KIAA1217: variants seen among roughly 807,000 people sequenced by gnomAD.
KIAA1217 encodes the protein sickle tail protein homolog.
KIAA1217 carries 88 observed loss-of-function variants against 163.9 expected under a neutral mutation model. The ratio of observed to expected loss-of-function variants is 0.54; its 90% CI spans 0.45 to 0.64. KIAA1217 has a LOEUF of 0.64. Ranked by LOEUF, KIAA1217 falls within the 30% of genes least tolerant of loss-of-function variation. KIAA1217 has a pLI of 0.00. For missense variants in KIAA1217, 2,372 were observed against 2,475.0 expected, an observed-to-expected ratio of 0.96 and a Z score of 0.88; for synonymous variants, 903 against 923.1, an observed-to-expected ratio of 0.98 and a Z score of 0.39.
At chr10:23,938,179 C>G (rs577696841) in intron 1 of KIAA1217, among the ~76,000 whole-genome samples, 5 of 152,118 alleles carry the variant, frequency 3.3e-5, no homozygotes. Flanking sequence ...TCAGAGCTCA[C>G]GCAAGACTTG....
chr10:24,095,652 G>C (rs1203752885), intron 2 of KIAA1217, among the ~76,000 whole-genome samples: 1 of 152,050 alleles, frequency 6.6e-6, no homozygotes, highest in Non-Finnish European at 1.5e-5. Flanking sequence ...GTTCTCCCTA[G>C]ACAAACTCTA....
At chr10:24,074,908 A>C (rs2061319558) in intron 2 of KIAA1217, among the ~76,000 whole-genome samples, 1 of 151,986 alleles carries the variant, frequency 6.6e-6, no homozygotes, top group African/African-American at 2.4e-5. Context: ...CATGTTGTCC[A>C]GATTGGCCTT....
intron 9 of KIAA1217, among the ~76,000 whole-genome samples, chr10:24,508,754 G>T (rs916473968): frequency 6.6e-6 from 1 of 152,146 alleles, no homozygotes; most frequent in Admixed American, 6.6e-5. Context: ...AACAGGGCTG[G>T]ATCTCAGAAA....
At chr10:24,286,112 CA>C (rs1303012366) in intron 2 of KIAA1217, among the ~76,000 whole-genome samples, 2 of 152,096 alleles carry the variant, frequency 1.3e-5, no homozygotes, top group Non-Finnish European at 2.9e-5. Flanking sequence ...AGCCTTTTGG[CA>C]AAGTCTAGGT....
At chr10:24,099,742 C>T (rs1370485415) in intron 2 of KIAA1217, among the ~76,000 whole-genome samples, 1 of 138,740 alleles carries the variant, frequency 7.2e-6, no homozygotes, top group African/African-American at 2.7e-5. Context: ...CTCCCCCCTC[C>T]CCCCATCCCA....
At chr10:23,880,592 C>G (rs1305589213) in intron 1 of KIAA1217, among the ~76,000 whole-genome samples, 1 of 151,884 alleles carries the variant, frequency 6.6e-6, no homozygotes, top group African/African-American at 2.4e-5. Context: ...TGAAAAATAA[C>G]TAAAAGAGTA....
chr10:24,323,631 A>G (rs578076044), intron 2 of KIAA1217, among the ~76,000 whole-genome samples: 1 of 152,290 alleles, frequency 6.6e-6, no homozygotes, highest in Admixed American at 6.5e-5. Flanking sequence ...TCTGGTTACT[A>G]GTATTCCACC....
At chr10:24,440,490 G>A (rs1043436900) in intron 5 of KIAA1217, among the ~76,000 whole-genome samples, 1 of 152,188 alleles carries the variant, frequency 6.6e-6, no homozygotes, top group Non-Finnish European at 1.5e-5. Context: ...GTTTGTGGCT[G>A]GAAAGACACC....
chr10:24,293,693 C>G (rs2079351319), intron 2 of KIAA1217, among the ~76,000 whole-genome samples: 1 of 152,206 alleles, frequency 6.6e-6, no homozygotes, highest in Non-Finnish European at 1.5e-5. Flanking sequence ...CCCTTGTTGC[C>G]TGTTCTTAAG....
At chr10:24,406,962 A>G (rs1032966919) in intron 3 of KIAA1217, among the ~76,000 whole-genome samples, 1 of 152,144 alleles carries the variant, frequency 6.6e-6, no homozygotes, top group African/African-American at 2.4e-5. Context: ...CAACAAAAGC[A>G]CCTGTCACTG....
chr10:23,963,897 CT>C (rs59540632), intron 1 of KIAA1217, among the ~76,000 whole-genome samples: 20,998 of 137,706 alleles, frequency 0.15, 2,162 homozygotes, highest in African/African-American at 0.34. Context: ...TTTCTCTTTT[CT>C]TTTTTTTTTT....
chr10:23,697,075 A>G (rs1039364388), intron 1 of KIAA1217, among the ~76,000 whole-genome samples: 2 of 152,208 alleles, frequency 1.3e-5, no homozygotes, highest in African/African-American at 4.8e-5. Flanking sequence ...GGAAATTACC[A>G]GCACCCATCT....
chr10:24,531,208 T>TA (rs934849087), intron 14 of KIAA1217, among the ~76,000 whole-genome samples: 10 of 151,876 alleles, frequency 6.6e-5, no homozygotes, highest in African/African-American at 7.3e-5. Flanking sequence ...ATCTACAAAA[T>TA]AAAAAAAATT....
At chr10:24,476,474 C>T (rs1031805898) in intron 6 of KIAA1217, among the ~76,000 whole-genome samples, 1 of 152,140 alleles carries the variant, frequency 6.6e-6, no homozygotes, top group Non-Finnish European at 1.5e-5. Flanking sequence ...CTATGGACTT[C>T]AGTTTTACAT....
intron 1 of KIAA1217, among the ~76,000 whole-genome samples, chr10:23,901,915 A>C (rs1841974109): frequency 1.3e-5 from 1 of 79,578 alleles, no homozygotes; most frequent in Admixed American, 1.4e-4. Context: ...CTCTATCTCA[A>C]AAAAAAAAAA....
At chr10:24,097,534 C>T (rs1276544624) in intron 2 of KIAA1217, among the ~76,000 whole-genome samples, 1 of 151,820 alleles carries the variant, frequency 6.6e-6, no homozygotes, top group African/African-American at 2.4e-5. Context: ...CAGGATGAGA[C>T]CCCATCTCTA....
At chr10:23,942,445 A>G (rs1301710767) in intron 1 of KIAA1217, among the ~76,000 whole-genome samples, 1 of 152,252 alleles carries the variant, frequency 6.6e-6, no homozygotes, top group Non-Finnish European at 1.5e-5. Context: ...AGATTGAAAC[A>G]GAAAACAAGA....
intron 1 of KIAA1217, among the ~76,000 whole-genome samples, chr10:23,922,364 G>A (rs574500804): frequency 2.0e-5 from 3 of 152,134 alleles, no homozygotes; most frequent in African/African-American, 4.8e-5. Context: ...ACCAGTAAAT[G>A]TAAGTAAAGT....
Position 24,219,828 on chromosome 10 carries a change from A to G in KIAA1217, c.273A>G (p.Glu91=). Residue 91 remains glutamate (E), a synonymous_variant, in exon 2 of 21, where the codon GAA becomes GAG. Transcript: ENST00000376454. ...CATCTGAGATGGATCGGAAGAGAGAAGCGTTCCTAGAACATCTGAAGCAGA... is the reference window on the plus strand; with the variant it reads ...CATCTGAGATGGATCGGAAGAGAGAGGCGTTCCTAGAACATCTGAAGCAGA... ...MQTSEMDRKR[E]AFLEHLKQKY... 6.2e-7 allele frequency: 1 copy of G among 1,613,936 alleles called. No individual in the cohort carries two copies. Among genetic ancestry groups the G allele is most frequent in the South Asian group, 1.1e-5 (1 of 91,074 alleles).
Sources: gnomAD v4.1 joint callset for allele counts (sites outside exome capture counted in the v4.1 genomes callset) on GRCh38, gnomAD v4.1.1 for gene constraint, MANE v1.5 for transcripts, NCBI Gene and HGNC (gene_info 2026-07-23, HGNC 2026-07-21) for gene names.